Variants in EML1 observed in about 807,000 individuals in gnomAD.
The protein encoded by EML1 is echinoderm microtubule-associated protein-like 1.
In EML1, 27 loss-of-function variants were observed where a neutral mutation model predicts 110.4. The observed-to-expected ratio is 0.24, with a 90% CI of 0.18 to 0.34. EML1 has a LOEUF of 0.34. Ranked by LOEUF, EML1 falls within the 10% of genes least tolerant of loss-of-function variation. The pLI, the probability that EML1 is intolerant of heterozygous loss-of-function variation, is 1.00. For synonymous variants in EML1, 344 were observed against 385.8 expected (o/e 0.89, Z 1.27); for missense variants, 741 against 1,030.9 (o/e 0.72, Z 3.85).
chr14:99,936,737 C>T lies in EML1; in HGVS notation c.2095+403C>T, dbSNP rs894777587. 1.3e-5 allele frequency among the ~76,000 whole-genome samples: 2 copies of T among 152,282 alleles called. No homozygotes were observed. The highest frequency in any genetic ancestry group is 4.1e-4 in the South Asian group (2 of 4,828). ...CACAGGAGGGACCATGAAGTCCATC[C>T]CCGCTGGGTGGACGGCAGCCCTGGG... is the stretch of plus-strand genomic sequence containing the variant. On this transcript the variant is annotated intron_variant, in intron 19 of 21. Transcript: ENST00000262233. This position sits in a 1 kb window ranked among gnomAD's most constrained non-coding sequence, Gnocchi z 5.5.
At chr14:99,762,152 G>C (rs374689557) in intron 1 of EML1, among the ~76,000 whole-genome samples, 7 of 152,176 alleles carry the variant, frequency 4.6e-5, no homozygotes, top group Admixed American at 2.6e-4. Flanking sequence ...GTTCCAGGGA[G>C]TGACCTTGAC....
intron 1 of EML1, among the ~76,000 whole-genome samples, chr14:99,811,263 C>T (rs1267437745): frequency 6.8e-6 from 1 of 147,708 alleles, no homozygotes; most frequent in Non-Finnish European, 1.5e-5. Flanking sequence ...TCACTGCAGC[C>T]TTGACTCACT....
In EML1 at chr14:99,891,202, A is replaced by G. The variant is rs2059582083; in HGVS notation, c.522A>G (p.Lys174=). 1 of 1,613,864 alleles carries G rather than the reference A, an allele frequency of 6.2e-7. No individual in the cohort carries two copies. The highest frequency in any genetic ancestry group is 1.3e-5 in the African/African-American group (1 of 74,856). ...SSSGKKNSES[K]PKEPVFSAEE... ...TGTTTTTCGTTTATTTTCACAGCAA[A>G]CCCAAGGAGCCTGTATTCAGTGCAG... Residue 174 remains lysine (K), a synonymous_variant, in exon 5 of 22, where the codon AAA becomes AAG. Coordinates refer to ENST00000262233, the MANE Select transcript of EML1 (RefSeq NM_004434.3).
At chr14:99,780,856 G>T (rs527678453) in intron 1 of EML1, among the ~76,000 whole-genome samples, 1 of 152,248 alleles carries the variant, frequency 6.6e-6, no homozygotes, top group East Asian at 1.9e-4. Context: ...AGTGTGTAGT[G>T]GGCTGTACCA....
Position 99,794,971 on chromosome 14 carries a change from T to C in EML1, c.67+1428T>C, listed in dbSNP as rs112249456. 3.5e-3 allele frequency among the ~76,000 whole-genome samples: 530 copies of C among 152,318 alleles called. 2 individuals are homozygous for C. Among genetic ancestry groups the C allele is most frequent in the African/African-American group, 0.011 (453 of 41,576 alleles). Reference sequence around the variant, plus strand: ...TAATTGACTTATAATCAATCATATTTGAATTATTGTTTTTGATCTAAAAAG... The same window carrying C: ...TAATTGACTTATAATCAATCATATTCGAATTATTGTTTTTGATCTAAAAAG... On this transcript the variant is annotated intron_variant, in intron 1 of 21. Transcript: ENST00000262233.
At chr14:99,914,760 T>A in intron 15 of EML1, 63 bp downstream of exon 15, 1 of 1,530,562 alleles carries the variant, frequency 6.5e-7, no homozygotes, top group Non-Finnish European at 8.7e-7. Flanking sequence ...TGTTTATTTA[T>A]TTTTTGCATG....
At chr14:99,780,482 G>T (rs1282725358) in intron 1 of EML1, among the ~76,000 whole-genome samples, 1 of 152,138 alleles carries the variant, frequency 6.6e-6, no homozygotes, top group Non-Finnish European at 1.5e-5. Context: ...AAGTTGTATG[G>T]AGGTTGTTTT....
chr14:99,788,882 C>T (rs936904459), upstream of EML1, among the ~76,000 whole-genome samples: 2 of 152,184 alleles, frequency 1.3e-5, no homozygotes, highest in Admixed American at 6.5e-5. Flanking sequence ...ATTTGACAAC[C>T]CTAGGCACTT....
chr14:99,751,449 A>T (rs575468416), intron 1 of EML1, among the ~76,000 whole-genome samples: 1 of 152,320 alleles, frequency 6.6e-6, no homozygotes, highest in East Asian at 1.9e-4. Context: ...GCAGACAAAG[A>T]TGACAGTATG....
chr14:99,936,166 C>G lies in EML1; in HGVS notation c.2007+40C>G, dbSNP rs369435377. ...TGGACCTGTCGCTTCTCATGCACTG[C>G]GTATAGTTTAACTACCGTGGAACAG... On this transcript the variant is annotated intron_variant, in intron 18 of 21. Coordinates refer to ENST00000262233, the MANE Select transcript of EML1 (RefSeq NM_004434.3). The surrounding 1 kb of genome is among the most constrained non-coding windows in gnomAD (Gnocchi z 5.5). 1 of 1,612,004 alleles carries G rather than the reference C, an allele frequency of 6.2e-7. No individual in the cohort carries two copies. Among genetic ancestry groups the G allele is most frequent in the South Asian group, 1.1e-5 (1 of 91,046 alleles).
intron 8 of EML1, among the ~76,000 whole-genome samples, chr14:99,898,634 C>G (rs529665110): frequency 1.3e-5 from 2 of 152,104 alleles, no homozygotes; most frequent in African/African-American, 4.8e-5. Context: ...TGACCGTAGT[C>G]CCAGCTACTC....
At chr14:99,747,703 T>C (rs1385365427) in intron 1 of EML1, among the ~76,000 whole-genome samples, 1 of 152,132 alleles carries the variant, frequency 6.6e-6, no homozygotes, top group African/African-American at 2.4e-5. Flanking sequence ...GCCCGCTTCT[T>C]ATCTACTCTC....
chr14:99,879,630 A>G (rs1296715777), intron 4 of EML1, among the ~76,000 whole-genome samples: 1 of 152,262 alleles, frequency 6.6e-6, no homozygotes, highest in East Asian at 1.9e-4. Context: ...TCTCACATCT[A>G]TAACAGGTCA....
chr14:99,796,362 C>A (rs1243495389), intron 1 of EML1, among the ~76,000 whole-genome samples: 6 of 152,106 alleles, frequency 3.9e-5, no homozygotes, highest in Non-Finnish European at 1.5e-5. Flanking sequence ...CAAAGTTAGG[C>A]AGTATCTAGC....
intron 9 of EML1, 106 bp from the exon 10 acceptor site, chr14:99,907,532 A>C: frequency 1.0e-6 from 1 of 953,516 alleles, no homozygotes; most frequent in Non-Finnish European, 1.6e-6. Context: ...TTTAACTACA[A>C]TGTAGCAGAC....
chr14:99,922,611 C>T (rs2060150299), intron 17 of EML1, among the ~76,000 whole-genome samples: 2 of 152,076 alleles, frequency 1.3e-5, no homozygotes, highest in Non-Finnish European at 2.9e-5. Context: ...TTCTCGTCAG[C>T]CATGTGCTAG....
At chr14:99,925,564 A>G (rs1480766588) in intron 17 of EML1, among the ~76,000 whole-genome samples, 1 of 152,100 alleles carries the variant, frequency 6.6e-6, no homozygotes, top group Admixed American at 6.5e-5. Flanking sequence ...TTTTTGCTTC[A>G]TGTAGTTTGA....
Position 99,850,847 on chromosome 14 carries a change from G to T in EML1, c.68-6G>T. On this transcript the variant is annotated splice_region_variant and splice_polypyrimidine_tract_variant and intron_variant, in intron 1 of 21. Transcript: ENST00000262233. Reference sequence around the variant, plus strand: ...TAAAGCTCACTTGATCCTTTCTTTGGTTTAGATGACAGCGCTTCTGCTGCA... The same window carrying T: ...TAAAGCTCACTTGATCCTTTCTTTGTTTTAGATGACAGCGCTTCTGCTGCA... 6.2e-7 allele frequency: 1 copy of T among 1,612,276 alleles called. No individual in the cohort carries two copies. Among genetic ancestry groups the T allele is most frequent in the East Asian group, 2.2e-5 (1 of 44,806 alleles).
At chr14:99,853,839 T>C (rs542309676) in intron 2 of EML1, among the ~76,000 whole-genome samples, 1 of 152,222 alleles carries the variant, frequency 6.6e-6, no homozygotes, top group Admixed American at 6.5e-5. Flanking sequence ...CTGCTAATTT[T>C]TTTGTATTTT....
Sources: gnomAD v4.1 joint callset for allele counts (sites outside exome capture counted in the v4.1 genomes callset) on GRCh38, gnomAD v4.1.1 for gene constraint, Gnocchi (gnomAD v3.1) non-coding constraint, MANE v1.5 for transcripts, NCBI Gene and HGNC (gene_info 2026-07-23, HGNC 2026-07-21) for gene names.